CDH20: variants seen among roughly 807,000 people sequenced by gnomAD.
CDH20 encodes the protein cadherin 20.
CDH20 carries 29 observed loss-of-function variants against 74.2 expected under a neutral mutation model. The observed-to-expected ratio is 0.39, with a 90% CI of 0.29 to 0.53. The LOEUF is 0.53. Ranked by LOEUF, CDH20 falls within the 20% of genes least tolerant of loss-of-function variation. The pLI is 0.69. For missense variants in CDH20, 988 were observed against 1,048.3 expected, an observed-to-expected ratio of 0.94 and a Z score of 0.79; for synonymous variants, 469 against 405.4, an observed-to-expected ratio of 1.16 and a Z score of -1.88.
intron 1 of CDH20, among the ~76,000 whole-genome samples, chr18:61,408,607 C>T (rs1011554419): frequency 2.6e-5 from 4 of 152,200 alleles, no homozygotes; most frequent in African/African-American, 9.6e-5. Context: ...AAGGTACAAC[C>T]ATCAAGTAAA....
intron 1 of CDH20, among the ~76,000 whole-genome samples, chr18:61,367,920 T>G (rs779577453): frequency 1.3e-5 from 2 of 152,120 alleles, no homozygotes; most frequent in Non-Finnish European, 2.9e-5. Context: ...CCCTCTTGTC[T>G]TGTACTTGTC....
At chr18:61,372,749 C>T (rs914632466) in intron 1 of CDH20, among the ~76,000 whole-genome samples, 7 of 152,106 alleles carry the variant, frequency 4.6e-5, no homozygotes, top group African/African-American at 1.7e-4. Flanking sequence ...TGCTTTTGTT[C>T]TGTAACTGCA....
At chr18:61,427,065 T>C (rs143626310) in intron 1 of CDH20, among the ~76,000 whole-genome samples, 128 of 152,158 alleles carry the variant, frequency 8.4e-4, no homozygotes, top group African/African-American at 3.0e-3. Context: ...AAGAAAATAT[T>C]ATTATTGTTG....
At chr18:61,396,841 G>A (rs1358919860) in intron 1 of CDH20, among the ~76,000 whole-genome samples, 2 of 152,144 alleles carry the variant, frequency 1.3e-5, no homozygotes, top group African/African-American at 4.8e-5. Context: ...AACATCCTGG[G>A]GCCAGGGGAA....
chr18:61,547,329 A>G (rs1004356195), intron 10 of CDH20, among the ~76,000 whole-genome samples: 11 of 152,056 alleles, frequency 7.2e-5, no homozygotes, highest in South Asian at 4.2e-4. Context: ...TCCTGTCTCT[A>G]AAAAAAGCCA....
chr18:61,455,000 G>A (rs1350232028), intron 1 of CDH20, among the ~76,000 whole-genome samples: 1 of 152,168 alleles, frequency 6.6e-6, no homozygotes, highest in Non-Finnish European at 1.5e-5. Flanking sequence ...AAGCCATAGA[G>A]GCCTTGCTTT....
In CDH20 at chr18:61,554,791, G is replaced by C; in HGVS notation, c.*96G>C. The C allele has an allele frequency of 6.9e-7, 1 of 1,446,312 alleles. No homozygotes were observed. The highest frequency in any genetic ancestry group is 9.1e-7 in the Non-Finnish European group (1 of 1,100,622). The allele number at this position is 1,446,312 out of a possible 1,614,324, so 89.6% of individuals were successfully genotyped here. On this transcript the variant is annotated 3_prime_UTR_variant, in exon 12 of 12. Coordinates refer to ENST00000262717, the MANE Select transcript of CDH20 (RefSeq NM_031891.4). ...CCAACCACACGAGCAATACTGTGCT[G>C]GAGAGTGAGAATGGGGGTGAGCAGG...
At chr18:61,524,652 C>T (rs751925830) in intron 6 of CDH20, among the ~76,000 whole-genome samples, 11 of 152,172 alleles carry the variant, frequency 7.2e-5, no homozygotes, top group South Asian at 2.1e-4. Flanking sequence ...TAGTAGCTCA[C>T]GCCAGTAATC....
In CDH20 at chr18:61,473,503, G is replaced by A. The variant is rs373730367; in HGVS notation, c.-152-16899G>A. Among the ~76,000 whole-genome samples, 205 of 151,816 alleles carry A rather than the reference G, an allele frequency of 1.4e-3. 1 individual carries two copies. Among genetic ancestry groups the A allele is most frequent in the African/African-American group, 4.7e-3 (195 of 41,288 alleles). ...TCTTTTAGTAATTAGTTACTATATG[G>A]AAAAGATAAAAGGGATTATAGGGGA... On this transcript the variant is annotated intron_variant, in intron 1 of 11. Coordinates refer to ENST00000262717, the MANE Select transcript of CDH20 (RefSeq NM_031891.4).
intron 5 of CDH20, among the ~76,000 whole-genome samples, chr18:61,506,586 T>G (rs1213853645): frequency 6.6e-6 from 1 of 152,190 alleles, no homozygotes; most frequent in South Asian, 2.1e-4. Context: ...CGTCAAAAAG[T>G]TGAGCCCCAG....
chr18:61,536,705 T>TGTATATAA (rs1353017741), intron 8 of CDH20, 76 bp downstream of exon 8: 6 of 1,318,008 alleles, frequency 4.6e-6, no homozygotes, highest in Non-Finnish European at 6.4e-6. Context: ...TTCTAGAACT[T>TGTATATAA]GTTGTAACAA....
At chr18:61,469,398 CA>C (rs1910081790) in intron 1 of CDH20, among the ~76,000 whole-genome samples, 1 of 150,164 alleles carries the variant, frequency 6.7e-6, no homozygotes, top group Non-Finnish European at 1.5e-5. Flanking sequence ...CACACACACA[CA>C]CACACCCCTA....
chr18:61,462,452 T>C (rs1303530811), intron 1 of CDH20, among the ~76,000 whole-genome samples: 3 of 152,014 alleles, frequency 2.0e-5, no homozygotes, highest in Non-Finnish European at 4.4e-5. Context: ...AAAGACCCTA[T>C]TTCCAAATAA....
At chr18:61,544,859 A>G (rs1913177698) in intron 9 of CDH20, among the ~76,000 whole-genome samples, 168 bp from the exon 10 acceptor site, 1 of 152,160 alleles carries the variant, frequency 6.6e-6, no homozygotes, top group Non-Finnish European at 1.5e-5. Context: ...CCTCACCAGG[A>G]ACCCTGCCCT....
At chr18:61,510,148 T>A (rs527335695) in intron 6 of CDH20, among the ~76,000 whole-genome samples, 1 of 152,070 alleles carries the variant, frequency 6.6e-6, no homozygotes, top group African/African-American at 2.4e-5. Context: ...AGCATATAGA[T>A]GGTACTTAAA....
At chr18:61,429,843 T>C (rs1412026283) in intron 1 of CDH20, among the ~76,000 whole-genome samples, 1 of 152,260 alleles carries the variant, frequency 6.6e-6, no homozygotes, top group African/African-American at 2.4e-5. Flanking sequence ...ATTTCTTCAC[T>C]GGAATAATAC....
intron 1 of CDH20, among the ~76,000 whole-genome samples, chr18:61,448,520 C>T (rs967851676): frequency 8.5e-5 from 13 of 152,164 alleles, no homozygotes; most frequent in South Asian, 2.1e-4. Context: ...TCAGGAAGTG[C>T]GACTGTGGCA....
At chr18:61,360,425 A>AGACCG (rs1202709706) in intron 1 of CDH20, among the ~76,000 whole-genome samples, 1 of 152,200 alleles carries the variant, frequency 6.6e-6, no homozygotes, top group Non-Finnish European at 1.5e-5. Flanking sequence ...ACAAAATGAA[A>AGACCG]GACCCAATTC....
At chr18:61,339,813 A>G (rs1909885233) in intron 1 of CDH20, among the ~76,000 whole-genome samples, 1 of 148,238 alleles carries the variant, frequency 6.7e-6, no homozygotes, top group Non-Finnish European at 1.5e-5. Context: ...TCAGCCTCCC[A>G]AGTAGCTGGG....
Sources: gnomAD v4.1 joint callset for allele counts (sites outside exome capture counted in the v4.1 genomes callset) on GRCh38, gnomAD v4.1.1 for gene constraint, MANE v1.5 for transcripts, NCBI Gene and HGNC (gene_info 2026-07-23, HGNC 2026-07-21) for gene names.